The following DNAH17 variants were observed in gnomAD, a reference collection of about 807,000 sequenced individuals.
DNAH17 encodes the protein dynein axonemal heavy chain 17, also known as axonemal beta dynein heavy chain 17.
A neutral mutation model predicts 485.6 loss-of-function variants in DNAH17; 376 were observed. The ratio of observed to expected loss-of-function variants is 0.77; its 90% CI spans 0.71 to 0.84. The LOEUF (loss-of-function observed/expected upper bound fraction) is 0.84, where lower values mean the gene tolerates loss of function less well. DNAH17 is among the 40% of genes least tolerant of loss of function. The pLI, the probability that DNAH17 is intolerant of heterozygous loss-of-function variation, is 0.00. For missense variants in DNAH17, 6,370 were observed against 5,839.3 expected (o/e 1.09, Z -2.96); for synonymous variants, 3,031 against 2,405.9 (o/e 1.26, Z -7.60).
At chr17:78,446,223 T>C (rs2087292675) in intron 69 of DNAH17, among the ~76,000 whole-genome samples, 1 of 149,820 alleles carries the variant, frequency 6.7e-6, no homozygotes, top group Admixed American at 6.6e-5. Context: ...CATATTTTAG[T>C]GTGCAATTCA....
chr17:78,561,561 G>A (rs987399969), intron 12 of DNAH17, among the ~76,000 whole-genome samples, 154 bp downstream of exon 12: 1 of 152,066 alleles, frequency 6.6e-6, no homozygotes, highest in Non-Finnish European at 1.5e-5. Context: ...AGGGGAGGAG[G>A]GAGGACCAGA....
intron 2 of DNAH17, among the ~76,000 whole-genome samples, chr17:78,573,596 T>TAAAAA (rs2092390584): frequency 1.2e-5 from 1 of 81,490 alleles, no homozygotes; most frequent in African/African-American, 7.4e-5. Flanking sequence ...AAAAATACTG[T>TAAAAA]CAAAAAAAAA....
Position 78,501,408 on chromosome 17 carries a change from G to A in DNAH17, c.5323-64C>T, listed in dbSNP as rs371417020. ...ACAAGAGCTAGGGCTGCCTAAGGAA[G>A]GCCAGCATGCCTCCAAGGCCGGTCC... On this transcript the variant is annotated intron_variant, in intron 34 of 80. Coordinates refer to ENST00000389840, the MANE Select transcript of DNAH17 (RefSeq NM_173628.4). 1.8e-5 allele frequency: 27 copies of A among 1,524,496 alleles called. No individual in the cohort carries two copies. The South Asian group carries it at 2.3e-4, about 13-fold the overall frequency. The allele number at this position is 1,524,496 out of a possible 1,614,324, so 94.4% of individuals were successfully genotyped here.
chr17:78,543,289 T>C (rs1309139532), intron 17 of DNAH17, among the ~76,000 whole-genome samples: 187 of 62,200 alleles, frequency 3.0e-3, no homozygotes, highest in Non-Finnish European at 5.1e-3. Flanking sequence ...TAATTTTTGT[T>C]TTTTTTTTTT....
At position 78,459,851 on chromosome 17, in the gene DNAH17, T is replaced by C; in HGVS notation, c.9586A>G (p.Thr3196Ala). 1 of 1,614,060 alleles carries C rather than the reference T, an allele frequency of 6.2e-7. No homozygotes were observed. Among genetic ancestry groups the C allele is most frequent in the Non-Finnish European group, 8.5e-7 (1 of 1,179,900 alleles). Residue 3196 changes from threonine (T) to alanine (A), a missense_variant, in exon 60 of 81, where the codon ACC becomes GCC. By Grantham distance (58) the Thr-to-Ala change is moderately conservative. Coordinates refer to ENST00000389840, the MANE Select transcript of DNAH17 (RefSeq NM_173628.4). The stretch of plus-strand genomic sequence containing the variant: ...AACTTCTTCAGGGAGTCTAGGAAGG[T>C]GTCCACCTTGCCCATCATGATCTTG... ...AAKIMMGKVD[T>A]FLDSLKKFDK...
At chr17:78,466,149 T>C (rs529195667) in intron 56 of DNAH17, among the ~76,000 whole-genome samples, 107 of 152,362 alleles carry the variant, frequency 7.0e-4, no homozygotes, top group Non-Finnish European at 1.4e-3. Flanking sequence ...CTGTGCTCTC[T>C]GAAACATGTG....
chr17:78,451,526 C>CA lies in DNAH17; in HGVS notation c.10676_10677insT (p.Glu3559AspfsTer31). 6.2e-7 allele frequency: 1 copy of CA among 1,613,834 alleles called. No homozygotes were observed. Among genetic ancestry groups the CA allele is most frequent in the Non-Finnish European group, 8.5e-7 (1 of 1,179,790 alleles). On this transcript the variant is annotated frameshift_variant, in exon 66 of 81. Coordinates refer to ENST00000389840, the MANE Select transcript of DNAH17 (RefSeq NM_173628.4). LOFTEE classifies it high-confidence loss of function. ...CCACCACAGCGGCCAAGAGTTGGTC[C>CA]TCGAGTCCATCCCTGGTGACCAGGA... is the stretch of plus-strand genomic sequence containing the variant.
chr17:78,561,066 T>C, intron 12 of DNAH17, 131 bp from the exon 13 acceptor site: 2 of 813,762 alleles, frequency 2.5e-6, no homozygotes, highest in South Asian at 3.5e-5. Context: ...GCTCACAGAC[T>C]GAATATGCAA....
At chr17:78,525,252 GCCCT>G in intron 24 of DNAH17, 91 bp from the exon 25 acceptor site, 1 of 1,511,150 alleles carries the variant, frequency 6.6e-7, no homozygotes, top group Non-Finnish European at 8.9e-7. Context: ...TCTCCAGTGT[GCCCT>G]CCCTGATAAA....
In DNAH17 at chr17:78,450,685, C is replaced by G; in HGVS notation, c.10896G>C (p.Glu3632Asp). Reference sequence around the variant, plus strand: ...ACGTCACCGAGGCAGCTCTGACCTTCTCCTCGATCTCGCTGGCTGTGTGCT... The same window carrying G: ...ACGTCACCGAGGCAGCTCTGACCTTGTCCTCGATCTCGCTGGCTGTGTGCT... ...TTKHTASEIEEKVVEAKITEV... is the reference protein window; with the variant it reads ...TTKHTASEIEDKVVEAKITEV... Residue 3632 changes from glutamate (E) to aspartate (D), a missense_variant, in exon 67 of 81, where the codon GAG becomes GAC. Transcript: ENST00000389840. 1 of 1,612,240 alleles carries G rather than the reference C, an allele frequency of 6.2e-7. No homozygotes were observed. Among genetic ancestry groups the G allele is most frequent in the Non-Finnish European group, 8.5e-7 (1 of 1,179,232 alleles).
chr17:78,431,175 G>T (rs1018737489), intron 75 of DNAH17, among the ~76,000 whole-genome samples: 1 of 134,152 alleles, frequency 7.5e-6, no homozygotes, highest in African/African-American at 2.8e-5. Context: ...CACTGCACTC[G>T]GCTTAGTCTC....
rs77590763 is a variant in DNAH17, at chr17:78,569,138, G to T, written c.1284+28C>A. On this transcript the variant is annotated intron_variant, in intron 9 of 80. Transcript: ENST00000389840. ...GGTAGGAGCAGTCTGGGAAGTGGAG[G>T]TCAAGATGCACCGAGTTCTGTTTTT... is the stretch of plus-strand genomic sequence containing the variant. The T allele has an allele frequency of 3.9e-3, 6,032 of 1,549,082 alleles. 118 individuals carry two copies. The highest frequency in any genetic ancestry group is 0.038 in the South Asian group (3,182 of 84,844).
chr17:78,472,852 T>C lies in DNAH17; in HGVS notation c.8511+2426A>G, dbSNP rs570756427. 72 of 403,544 alleles carry C rather than the reference T, an allele frequency of 1.8e-4. 2 individuals carry two copies. The highest frequency in any genetic ancestry group is 1.2e-3 in the South Asian group (69 of 58,580). The allele number at this position is 403,544 out of a possible 1,614,324, so 25.0% of individuals were successfully genotyped here. On this transcript the variant is annotated intron_variant, in intron 54 of 80. Coordinates refer to ENST00000389840, the MANE Select transcript of DNAH17 (RefSeq NM_173628.4). ...CTCCACCCAGGTCACCCTTCAGCAG[T>C]TTCTGTGCTTTCAAACTATCCTTCC...
In DNAH17 at chr17:78,494,102, C is replaced by T; in HGVS notation, c.6342G>A (p.Leu2114=). 6.2e-7 allele frequency: 1 copy of T among 1,612,888 alleles called. No individual in the cohort carries two copies. Among genetic ancestry groups the T allele is most frequent in the Non-Finnish European group, 8.5e-7 (1 of 1,179,860 alleles). Residue 2114 remains leucine, a synonymous_variant, in exon 41 of 81, where the codon CTG becomes CTA. Transcript: ENST00000389840. ...AGTGGCGGACCTGCAGCAGCTCCTC[C>T]AGCTGCACCACCTTCAGCACGAAGC... is the stretch of plus-strand genomic sequence containing the variant. ...EDSFVLKVVQ[L]EELLQVRHSV...
chr17:78,454,806 G>A (rs2087719155), intron 63 of DNAH17, 101 bp from the exon 64 acceptor site: 1 of 1,066,128 alleles, frequency 9.4e-7, no homozygotes, highest in Non-Finnish European at 1.3e-6. Context: ...TGCGGTTAGG[G>A]GTGGACCAGC....
At chr17:78,518,211 G>C (rs1012389498) in intron 25 of DNAH17, among the ~76,000 whole-genome samples, 1 of 152,060 alleles carries the variant, frequency 6.6e-6, no homozygotes, top group African/African-American at 2.4e-5. Flanking sequence ...CAGAGTGGAC[G>C]AAAAAACATG....
intron 26 of DNAH17, 94 bp from the exon 27 acceptor site, chr17:78,510,600 GGCAC>G: frequency 1.3e-6 from 2 of 1,544,864 alleles, no homozygotes; most frequent in Non-Finnish European, 1.8e-6. Flanking sequence ...CCATTGCCGG[GGCAC>G]GATCCCGGGC....
intron 60 of DNAH17, 106 bp downstream of exon 60, chr17:78,459,678 G>A (rs1045912868): frequency 7.8e-7 from 1 of 1,278,996 alleles, no homozygotes; most frequent in Admixed American, 2.0e-5. Context: ...TAGATTTTGA[G>A]CCACAGGCCC....
intron 69 of DNAH17, among the ~76,000 whole-genome samples, chr17:78,448,264 T>C (rs2087398215): frequency 1.3e-5 from 2 of 150,842 alleles, no homozygotes; most frequent in Non-Finnish European, 2.9e-5. Context: ...ACAGGGAGGT[T>C]GAGGCAGAAG....
Sources: gnomAD v4.1 joint callset for allele counts (sites outside exome capture counted in the v4.1 genomes callset) on GRCh38, gnomAD v4.1.1 for gene constraint, MANE v1.5 for transcripts, NCBI Gene and HGNC (gene_info 2026-07-23, HGNC 2026-07-21) for gene names.